Variants in ABCD3 observed in about 807,000 individuals in gnomAD.
ABCD3 encodes ATP binding cassette subfamily D member 3.
Under a neutral mutation model 105.5 loss-of-function variants are expected in ABCD3, and 41 were observed. That is an observed-to-expected ratio of 0.39 (90% confidence interval 0.30 to 0.50). The LOEUF is 0.50. ABCD3 is among the 20% of genes least tolerant of loss of function. The pLI, the probability that ABCD3 is intolerant of heterozygous loss-of-function variation, is 0.84. For missense variants in ABCD3, 622 were observed against 806.3 expected (o/e 0.77, Z 2.77); for synonymous variants, 258 against 269.0 (o/e 0.96, Z 0.40).
At chr1:94,493,084 A>G (rs989854301) in intron 16 of ABCD3, among the ~76,000 whole-genome samples, 21 of 150,666 alleles carry the variant, frequency 1.4e-4, no homozygotes, top group East Asian at 7.9e-4. Flanking sequence ...ACAAAAGCCA[A>G]AATTGACAAA....
chr1:94,428,801 T>G (rs925977800), intron 1 of ABCD3, among the ~76,000 whole-genome samples: 12 of 152,166 alleles, frequency 7.9e-5, no homozygotes, highest in African/African-American at 2.9e-4. Context: ...GGTATGTCTT[T>G]ATCAGCAGGA....
the ABCD3 span, among the ~76,000 whole-genome samples, chr1:94,397,125 A>G: frequency 6.6e-6 from 1 of 152,204 alleles, no homozygotes; most frequent in African/African-American, 2.4e-5. Flanking sequence ...TTATTTTGAA[A>G]CAATTTTAAC....
At chr1:94,452,359 G>T (rs1305318753) in intron 1 of ABCD3, among the ~76,000 whole-genome samples, 1 of 152,198 alleles carries the variant, frequency 6.6e-6, no homozygotes, top group Non-Finnish European at 1.5e-5. Flanking sequence ...GTATTAGGTT[G>T]AAGCATGTGC....
chr1:94,438,613 C>T (rs1289041681), intron 1 of ABCD3, among the ~76,000 whole-genome samples: 1 of 152,140 alleles, frequency 6.6e-6, no homozygotes, highest in Non-Finnish European at 1.5e-5. Context: ...CTATGGCAAA[C>T]TTCAGTGCTG....
At chr1:94,507,191 C>G (rs1160802340) in intron 21 of ABCD3, among the ~76,000 whole-genome samples, 1 of 151,310 alleles carries the variant, frequency 6.6e-6, no homozygotes, top group Admixed American at 6.6e-5. Flanking sequence ...CTTCCTGTGT[C>G]CATGTGTTCT....
At chr1:94,427,683 C>G (rs1427908359) in intron 1 of ABCD3, among the ~76,000 whole-genome samples, 1 of 152,116 alleles carries the variant, frequency 6.6e-6, no homozygotes, top group Admixed American at 6.6e-5. Flanking sequence ...CTATGTTGAC[C>G]AGGCTAGTCT....
intron 1 of ABCD3, among the ~76,000 whole-genome samples, chr1:94,428,303 A>G (rs1297570110): frequency 2.0e-5 from 3 of 152,174 alleles, no homozygotes; most frequent in Non-Finnish European, 2.9e-5. Flanking sequence ...AATAATTGAC[A>G]TAAAAGTGGA....
chr1:94,441,241 A>T (rs577715893), intron 1 of ABCD3, among the ~76,000 whole-genome samples: 3 of 152,358 alleles, frequency 2.0e-5, no homozygotes, highest in Middle Eastern at 3.4e-3. Context: ...AAGTATATAG[A>T]TGATTCTTAA....
chr1:94,488,110 G>T, intron 13 of ABCD3, 127 bp downstream of exon 13: 1 of 803,254 alleles, frequency 1.2e-6, no homozygotes, highest in Non-Finnish European at 2.0e-6. Context: ...GGTTTTGATA[G>T]AAAATTAAGG....
chr1:94,473,974 TATA>T, intron 5 of ABCD3, 139 bp downstream of exon 5: 1 of 666,312 alleles, frequency 1.5e-6, no homozygotes, highest in Non-Finnish European at 2.5e-6. Flanking sequence ...TAATTTATAA[TATA>T]ATTTTCAATG....
intron 16 of ABCD3, among the ~76,000 whole-genome samples, chr1:94,493,646 A>G (rs1416921503): frequency 1.3e-5 from 2 of 151,966 alleles, no homozygotes; most frequent in Non-Finnish European, 2.9e-5. Flanking sequence ...ATGCACACGT[A>G]TGTTTATTGC....
At chr1:94,397,811 C>T in the ABCD3 span, among the ~76,000 whole-genome samples, 6 of 152,148 alleles carry the variant, frequency 3.9e-5, no homozygotes, top group Non-Finnish European at 7.3e-5. Flanking sequence ...TTTGGACAGA[C>T]ATTAAAATCA....
chr1:94,499,144 C>A, intron 19 of ABCD3, 110 bp downstream of exon 19: 1 of 1,027,202 alleles, frequency 9.7e-7, no homozygotes, highest in Non-Finnish European at 1.5e-6. Flanking sequence ...TAAAGCCTTC[C>A]AAAGCTGTAA....
intron 15 of ABCD3, 67 bp from the exon 16 acceptor site, chr1:94,491,117 G>T: frequency 1.9e-6 from 2 of 1,072,096 alleles, no homozygotes; most frequent in African/African-American, 1.6e-5. Flanking sequence ...TTGTATTTTT[G>T]GTATTGAGTT....
chr1:94,450,650 A>G (rs1660545974), intron 1 of ABCD3, among the ~76,000 whole-genome samples: 1 of 152,148 alleles, frequency 6.6e-6, no homozygotes. Flanking sequence ...ATGTGGGTAA[A>G]TCTCTGTTTG....
intron 13 of ABCD3, among the ~76,000 whole-genome samples, chr1:94,488,889 C>T (rs892596479): frequency 1.3e-4 from 19 of 151,612 alleles, no homozygotes; most frequent in African/African-American, 4.6e-4. Context: ...CTCCCTTCGT[C>T]TCCCTGCCCC....
chr1:94,415,295 A>G (rs1051980028), upstream of ABCD3, among the ~76,000 whole-genome samples: 7 of 151,634 alleles, frequency 4.6e-5, no homozygotes, highest in African/African-American at 1.4e-4. Flanking sequence ...GGCTAACACA[A>G]CATTTCTTCC....
rs202077225 is a variant in ABCD3 at position 94,499,495 on chromosome 1, G to T, written c.1621G>T (p.Val541Leu). The change falls in exon 20 of 23, where the codon GTA (valine) becomes TTA (leucine). Residue 541 changes from valine to leucine, a missense_variant and splice_region_variant. Transcript: ENST00000370214. ...DQKRKGISDL[V>L]LKEYLDNVQL... ...TCATCTTTAATCATTTTGCTGAAAG[G>T]TACTGAAGGAATACTTAGACAATGT... 77 of 1,613,036 alleles carry T rather than the reference G, an allele frequency of 4.8e-5. No individual in the cohort carries two copies. Among genetic ancestry groups the T allele is most frequent in the Non-Finnish European group, 3.4e-6 (4 of 1,179,344 alleles).
intron 4 of ABCD3, among the ~76,000 whole-genome samples, chr1:94,471,499 CAA>C (rs76947633): frequency 2.8e-4 from 22 of 78,014 alleles, no homozygotes; most frequent in Non-Finnish European, 1.7e-4. Context: ...TCCTGTCTCA[CAA>C]AAAAAAAAAA....
Sources: allele counts gnomAD v4.1 joint callset (sites outside exome capture counted in the v4.1 genomes callset), GRCh38; gene constraint gnomAD v4.1.1; transcripts MANE v1.5; gene names NCBI Gene and HGNC (gene_info 2026-07-23, HGNC 2026-07-21).